The following AJAP1 variants were observed in gnomAD, a reference collection of about 807,000 sequenced individuals.
The protein encoded by AJAP1 is adherens junctions associated protein 1, also known as adherens junction-associated protein 1.
In AJAP1, 5 loss-of-function variants were observed where a neutral mutation model predicts 35.0. The ratio of observed to expected loss-of-function variants is 0.14; its 90% CI spans 0.07 to 0.30. The LOEUF (loss-of-function observed/expected upper bound fraction) is 0.30. Ranked by LOEUF, AJAP1 falls within the 10% of genes least tolerant of loss-of-function variation. AJAP1 has a pLI of 1.00. For missense variants in AJAP1, 586 were observed against 571.0 expected, an observed-to-expected ratio of 1.03 and a Z score of -0.27; for synonymous variants, 284 against 249.3, an observed-to-expected ratio of 1.14 and a Z score of -1.31.
At chr1:4,672,611 G>A (rs372730535) in intron 1 of AJAP1, among the ~76,000 whole-genome samples, 9 of 152,280 alleles carry the variant, frequency 5.9e-5, no homozygotes, top group African/African-American at 2.2e-4. Flanking sequence ...TGTCTGCAAA[G>A]TCACTTCCAG....
rs1258484640 is a variant in AJAP1, at chr1:4,784,242, A to T, written c.*1757A>T. On this transcript the variant is annotated 3_prime_UTR_variant, in exon 6 of 6. Coordinates refer to ENST00000378191, the MANE Select transcript of AJAP1 (RefSeq NM_018836.4). ...CACTGGTGCCCCAGACTTGCTGTCA[A>T]CAGCGGGTGCTGTAGGGATCTAGGG... The T allele has an allele frequency of 1.3e-5, 2 of 152,278 alleles. No homozygotes were observed. The highest frequency in any genetic ancestry group is 6.5e-5 in the Admixed American group (1 of 15,290). 9.4% of individuals were successfully genotyped at this position (152,278 alleles called of 1,614,324 possible).
Position 4,692,433 on chromosome 1 carries a change from C to T in AJAP1, c.30-19467C>T, listed in dbSNP as rs559218865. ...GGGATATAGCCTCCGTGGGACTCAT[C>T]ATTACGAGGACTTGTAATTGCTTTG... On this transcript the variant is annotated intron_variant, in intron 1 of 5. Coordinates refer to ENST00000378191, the MANE Select transcript of AJAP1 (RefSeq NM_018836.4). This position sits in a 1 kb window ranked among gnomAD's most constrained non-coding sequence, Gnocchi z 4.4. Among the ~76,000 whole-genome samples the T allele has an allele frequency of 2.0e-5, 3 of 152,298 alleles. No individual in the cohort carries two copies. In the East Asian group the frequency reaches 5.8e-4, roughly 29 times the overall value.
chr1:4,764,951 C>T (rs200647565), intron 2 of AJAP1, among the ~76,000 whole-genome samples: 1 of 152,206 alleles, frequency 6.6e-6, no homozygotes, highest in Admixed American at 6.5e-5. Flanking sequence ...GATCTTATTA[C>T]AAACCACCAC....
chr1:4,685,678 A>T (rs1639589142), intron 1 of AJAP1, among the ~76,000 whole-genome samples: 1 of 152,224 alleles, frequency 6.6e-6, no homozygotes. Context: ...AGGAGAGGCA[A>T]GCTCCACAAA....
intron 2 of AJAP1, among the ~76,000 whole-genome samples, chr1:4,713,979 C>T (rs1037473740): frequency 2.0e-5 from 3 of 152,202 alleles, no homozygotes; most frequent in African/African-American, 7.2e-5. Context: ...TGCGTCCTGG[C>T]CCTGGTTCCT....
chr1:4,687,599 G>A (rs905555045), intron 1 of AJAP1, among the ~76,000 whole-genome samples: 3 of 152,106 alleles, frequency 2.0e-5, no homozygotes, highest in South Asian at 2.1e-4. Context: ...TGGTGGCTAC[G>A]GCTGCTTTAG....
At chr1:4,718,256 G>A (rs1640439752) in intron 2 of AJAP1, among the ~76,000 whole-genome samples, 1 of 152,144 alleles carries the variant, frequency 6.6e-6, no homozygotes, top group African/African-American at 2.4e-5. Context: ...AAATGGATAA[G>A]TGTGCTCCAA....
At chr1:4,684,639 T>C (rs1374295054) in intron 1 of AJAP1, among the ~76,000 whole-genome samples, 1 of 152,294 alleles carries the variant, frequency 6.6e-6, no homozygotes, top group African/African-American at 2.4e-5. Context: ...CACTCGCAGC[T>C]TCTCACGTGC....
At position 4,772,686 on chromosome 1, in the gene AJAP1, A is replaced by G. The variant is rs538283554; in HGVS notation, c.1163+161A>G. 7.9e-5 allele frequency among the ~76,000 whole-genome samples: 12 copies of G among 152,300 alleles called. No homozygotes were observed. In the South Asian group the frequency reaches 2.5e-3, roughly 32 times the overall value. ...GGCGGACAGCTAATTTGGCAAAACG[A>G]AAGAGGCAGGGTTGATAGCAACAGG... On this transcript the variant is annotated intron_variant, in intron 4 of 5. Coordinates refer to ENST00000378191, the MANE Select transcript of AJAP1 (RefSeq NM_018836.4).
rs989559052 is a variant in AJAP1 at position 4,783,800 on chromosome 1, G to C, written c.*1315G>C. 1 of 152,000 alleles carries C rather than the reference G, an allele frequency of 6.6e-6. No homozygotes were observed. The highest frequency in any genetic ancestry group is 1.5e-5 in the Non-Finnish European group (1 of 68,002). The allele number at this position is 152,000 out of a possible 1,614,324, so 9.4% of individuals were successfully genotyped here. Reference sequence around the variant, plus strand: ...AAAGGAATATATCCTTATGATGTGTGTGTGTAATATCAGGGCAGAACTTAG... The same window carrying C: ...AAAGGAATATATCCTTATGATGTGTCTGTGTAATATCAGGGCAGAACTTAG... On this transcript the variant is annotated 3_prime_UTR_variant, in exon 6 of 6. Coordinates refer to ENST00000378191, the MANE Select transcript of AJAP1 (RefSeq NM_018836.4).
At chr1:4,750,399 C>T (rs1316287690) in intron 2 of AJAP1, among the ~76,000 whole-genome samples, 1 of 152,202 alleles carries the variant, frequency 6.6e-6, no homozygotes, top group African/African-American at 2.4e-5. Flanking sequence ...GGAGGTGACA[C>T]AGAGCCCTGC....
In AJAP1 at chr1:4,788,713, A is replaced by G. The variant is rs954563604; in HGVS notation, c.*6228A>G. ...ACTTTGGTTGCAGGGAGTTAAATAC[A>G]TAGGCCACAGCAGACTAAGGGAGCG... On this transcript the variant is annotated 3_prime_UTR_variant, in exon 6 of 6. Coordinates refer to ENST00000378191, the MANE Select transcript of AJAP1 (RefSeq NM_018836.4). 2.6e-5 allele frequency: 4 copies of G among 152,258 alleles called. No homozygotes were observed. Among genetic ancestry groups the G allele is most frequent in the Non-Finnish European group, 4.4e-5 (3 of 68,082 alleles). The allele number at this position is 152,258 out of a possible 1,614,324, so 9.4% of individuals were successfully genotyped here.
At chr1:4,773,881 C>T (rs767755908) in intron 4 of AJAP1, among the ~76,000 whole-genome samples, 2 of 152,172 alleles carry the variant, frequency 1.3e-5, no homozygotes, top group African/African-American at 2.4e-5. Flanking sequence ...GAGCAGAGTT[C>T]GCACAGCTGG....
intron 2 of AJAP1, among the ~76,000 whole-genome samples, chr1:4,740,608 A>G (rs1188388737): frequency 6.6e-6 from 1 of 151,458 alleles, no homozygotes; most frequent in Non-Finnish European, 1.5e-5. Flanking sequence ...ACATGGTGAA[A>G]CCCCGTCTCT....
At chr1:4,773,787 G>A (rs1417278295) in intron 4 of AJAP1, among the ~76,000 whole-genome samples, 1 of 152,206 alleles carries the variant, frequency 6.6e-6, no homozygotes, top group Non-Finnish European at 1.5e-5. Context: ...GAGGGCAGAG[G>A]GCCGTGGGCT....
rs1472002876 is a variant in AJAP1 at position 4,720,707 on chromosome 1, C to T, written c.829+8008C>T. On this transcript the variant is annotated intron_variant, in intron 2 of 5. Coordinates refer to ENST00000378191, the MANE Select transcript of AJAP1 (RefSeq NM_018836.4). This position sits in a 1 kb window ranked among gnomAD's most constrained non-coding sequence, Gnocchi z 4.4. ...TAAAAGATGCACGAAGCCCACCTCA[C>T]CGGTGGCTCTGCCAGGGTAATCGAA... 6.6e-6 allele frequency among the ~76,000 whole-genome samples: 1 copy of T among 152,216 alleles called. No individual in the cohort carries two copies. The highest frequency in any genetic ancestry group is 2.4e-5 in the African/African-American group (1 of 41,458).
chr1:4,770,617 C>T (rs563403409), intron 3 of AJAP1, among the ~76,000 whole-genome samples: 253 of 152,294 alleles, frequency 1.7e-3, no homozygotes, highest in Non-Finnish European at 2.8e-3. Context: ...TGTCTCCTTT[C>T]GGCATCCAGG....
intron 1 of AJAP1, among the ~76,000 whole-genome samples, chr1:4,686,279 G>A (rs1032166659): frequency 1.3e-5 from 2 of 152,132 alleles, no homozygotes; most frequent in African/African-American, 4.8e-5. Context: ...GCAGACATTT[G>A]TTGTCTCGGT....
At chr1:4,759,617 C>G (rs1641519077) in intron 2 of AJAP1, among the ~76,000 whole-genome samples, 1 of 152,150 alleles carries the variant, frequency 6.6e-6, no homozygotes, top group Admixed American at 6.5e-5. Flanking sequence ...GACTGGGTGC[C>G]TTCCTTCCAT....
Sources: allele counts gnomAD v4.1 joint callset (sites outside exome capture counted in the v4.1 genomes callset), GRCh38; gene constraint gnomAD v4.1.1; non-coding constraint Gnocchi (gnomAD v3.1); transcripts MANE v1.5; gene names NCBI Gene and HGNC (gene_info 2026-07-23, HGNC 2026-07-21).